Variants in DSCAML1 observed in about 807,000 individuals in gnomAD.
DSCAML1 encodes cell adhesion molecule DSCAML1.
Under a neutral mutation model 200.5 loss-of-function variants are expected in DSCAML1, and 38 were observed. The ratio of observed to expected loss-of-function variants is 0.19; its 90% CI spans 0.15 to 0.25. The LOEUF (loss-of-function observed/expected upper bound fraction) is 0.25, where lower values mean the gene tolerates loss of function less well. Ranked by LOEUF, DSCAML1 falls within the 10% of genes least tolerant of loss-of-function variation. The probability of loss-of-function intolerance (pLI) is 1.00; values close to 1 mark genes in which losing one functional copy is unlikely to be tolerated. For synonymous variants in DSCAML1, 1,215 were observed against 1,165.0 expected (o/e 1.04, Z -0.87); for missense variants, 2,223 against 2,858.8 (o/e 0.78, Z 5.07).
rs974560740 is a variant in DSCAML1 at position 117,463,870 on chromosome 11, G to A, written c.3265+1072C>T. 1.3e-5 allele frequency among the ~76,000 whole-genome samples: 2 copies of A among 152,182 alleles called. No homozygotes were observed. The highest frequency in any genetic ancestry group is 2.9e-5 in the Non-Finnish European group (2 of 68,036). On this transcript the variant is annotated intron_variant, in intron 17 of 32. Coordinates refer to ENST00000651296, the MANE Select transcript of DSCAML1 (RefSeq NM_020693.4). The surrounding 1 kb of genome is among the most constrained non-coding windows in gnomAD (Gnocchi z 4.0). ...TGAGAATCTCTGGTGTTGAAGCCTG[G>A]CATCAGTATTTTGAAAGTTCCCCAG...
chr11:117,751,914 C>A (rs7115197), intron 3 of DSCAML1, among the ~76,000 whole-genome samples: 1,974 of 152,310 alleles, frequency 0.013, 37 homozygotes, highest in African/African-American at 0.044. Flanking sequence ...TTCATCAGGG[C>A]TTCCCTAGGC....
chr11:117,466,367 C>T (rs1035757853), intron 16 of DSCAML1, among the ~76,000 whole-genome samples: 2 of 152,176 alleles, frequency 1.3e-5, no homozygotes, highest in African/African-American at 2.4e-5. Context: ...GCTATTTGTC[C>T]GATTCCACTT....
chr11:117,538,157 T>C (rs962492777), intron 3 of DSCAML1, among the ~76,000 whole-genome samples: 2 of 152,206 alleles, frequency 1.3e-5, no homozygotes, highest in Non-Finnish European at 2.9e-5. Flanking sequence ...TTTAAAGAGC[T>C]GTAGGGAGTG....
intron 3 of DSCAML1, among the ~76,000 whole-genome samples, chr11:117,568,881 T>C (rs1329165912): frequency 1.3e-5 from 2 of 152,200 alleles, no homozygotes; most frequent in South Asian, 4.1e-4. Context: ...TTAAAGTTCA[T>C]GTGGAACCAA....
chr11:117,773,529 GCACACACACACA>G (rs59492776), intron 3 of DSCAML1, among the ~76,000 whole-genome samples: 5 of 144,584 alleles, frequency 3.5e-5, no homozygotes, highest in South Asian at 2.2e-4. Flanking sequence ...ACCTCAAAAT[GCACACACACACA>G]CACACACACA....
At chr11:117,737,137 C>T (rs1355296257) in intron 3 of DSCAML1, among the ~76,000 whole-genome samples, 1 of 152,220 alleles carries the variant, frequency 6.6e-6, no homozygotes, top group Non-Finnish European at 1.5e-5. Context: ...GAACACGGTC[C>T]TATGAATCGG....
chr11:117,533,906 C>T (rs990516268), intron 3 of DSCAML1, among the ~76,000 whole-genome samples: 2 of 152,180 alleles, frequency 1.3e-5, no homozygotes, highest in African/African-American at 4.8e-5. Context: ...TCCTCTGCCT[C>T]CTCTTTGGGG....
chr11:117,617,680 G>GCACACACACA (rs36207373), intron 3 of DSCAML1, among the ~76,000 whole-genome samples: 344 of 143,002 alleles, frequency 2.4e-3, no homozygotes, highest in African/African-American at 6.9e-3. Flanking sequence ...ACAGGTACAC[G>GCACACACACA]CACACACACA....
intron 3 of DSCAML1, among the ~76,000 whole-genome samples, chr11:117,724,131 C>T (rs1424587773): frequency 6.6e-6 from 1 of 152,226 alleles, no homozygotes; most frequent in African/African-American, 2.4e-5. Flanking sequence ...CCCCTCCTGT[C>T]TCACCTCATC....
At chr11:117,631,498 T>G (rs921811163) in intron 3 of DSCAML1, among the ~76,000 whole-genome samples, 1 of 152,194 alleles carries the variant, frequency 6.6e-6, no homozygotes, top group Non-Finnish European at 1.5e-5. Flanking sequence ...CCTAGAACTT[T>G]CTGGGGCCTA....
chr11:117,663,165 C>G (rs962129123), intron 3 of DSCAML1, among the ~76,000 whole-genome samples: 1 of 152,172 alleles, frequency 6.6e-6, no homozygotes, highest in African/African-American at 2.4e-5. Context: ...TGCACGCTAC[C>G]GAAAAGCCAG....
At chr11:117,529,773 G>C (rs563972681) in intron 4 of DSCAML1, among the ~76,000 whole-genome samples, 1 of 151,854 alleles carries the variant, frequency 6.6e-6, no homozygotes, top group African/African-American at 2.4e-5. Context: ...TCTCTGTGGG[G>C]ACTGATCTCC....
At chr11:117,458,706 G>A in intron 19 of DSCAML1, 48 bp downstream of exon 19, 2 of 1,598,652 alleles carry the variant, frequency 1.3e-6, no homozygotes, top group Non-Finnish European at 1.7e-6. Context: ...CTGGGGGTTA[G>A]CAGTGGGTGG....
chr11:117,610,282 G>T (rs561819566), intron 3 of DSCAML1, among the ~76,000 whole-genome samples: 3 of 152,236 alleles, frequency 2.0e-5, no homozygotes, highest in African/African-American at 7.2e-5. Flanking sequence ...CCCTTTTGCG[G>T]CTACAACTAT....
At chr11:117,767,733 T>A (rs1337569075) in intron 3 of DSCAML1, among the ~76,000 whole-genome samples, 1 of 152,140 alleles carries the variant, frequency 6.6e-6, no homozygotes, top group Non-Finnish European at 1.5e-5. Context: ...AGGAAGAAGG[T>A]TGCACTTTGG....
chr11:117,813,948 C>A (rs1453359313), intron 1 of DSCAML1, among the ~76,000 whole-genome samples: 3 of 152,232 alleles, frequency 2.0e-5, no homozygotes, highest in Admixed American at 2.0e-4. Context: ...TGACTTGCAC[C>A]TATACGCCCA....
rs1018620067 is a variant in DSCAML1 at position 117,432,474 on chromosome 11, T to A, written c.5057A>T (p.Asp1686Val). 1 of 1,614,112 alleles carries A rather than the reference T, an allele frequency of 6.2e-7. No individual in the cohort carries two copies. Among genetic ancestry groups the A allele is most frequent in the African/African-American group, 1.3e-5 (1 of 74,922 alleles). Residue 1686 changes from aspartate to valine, a missense_variant, in exon 30 of 33, where the codon GAT (aspartate) becomes GTT (valine). Asp to Val is a radical substitution (Grantham distance 152, BLOSUM62 -3). This residue lies in a region of DSCAML1 where 614 missense variants were observed against 739.1 expected (regional missense o/e 0.83). Transcript: ENST00000651296. ...GDDKATIPVTDAEFSQAVNPQ... is the reference protein window; with the variant it reads ...GDDKATIPVTVAEFSQAVNPQ... ...GTTGACAGCTTGGCTGAACTCAGCA[T>A]CTGTCACAGGGATGGTGGCCTTGTC...
intron 4 of DSCAML1, among the ~76,000 whole-genome samples, chr11:117,529,794 C>T (rs1321848663): frequency 6.6e-6 from 1 of 152,012 alleles, no homozygotes; most frequent in Non-Finnish European, 1.5e-5. Flanking sequence ...ACCCTCAGCT[C>T]TGGGGAGTGG....
intron 2 of DSCAML1, among the ~76,000 whole-genome samples, chr11:117,779,495 T>C (rs577757689): frequency 3.3e-5 from 5 of 152,284 alleles, no homozygotes; most frequent in South Asian, 4.2e-4. Context: ...TTTTACCAAA[T>C]TGCCTTTTCT....
Sources: allele counts gnomAD v4.1 joint callset (sites outside exome capture counted in the v4.1 genomes callset), GRCh38; gene constraint gnomAD v4.1.1; regional missense constraint gnomAD v4.1.1; non-coding constraint Gnocchi (gnomAD v3.1); transcripts MANE v1.5; gene names NCBI Gene and HGNC (gene_info 2026-07-23, HGNC 2026-07-21).